PCDH15: variants seen among roughly 807,000 people sequenced by gnomAD.
PCDH15 encodes protocadherin related 15.
Under a neutral mutation model 178.5 loss-of-function variants are expected in PCDH15, and 129 were observed. The observed-to-expected ratio is 0.72, with a 90% CI of 0.63 to 0.84. The LOEUF (loss-of-function observed/expected upper bound fraction) is 0.84, where lower values mean the gene tolerates loss of function less well. Ranked by LOEUF, PCDH15 falls within the 40% of genes least tolerant of loss-of-function variation. The pLI is 0.00. For missense variants in PCDH15, 2,230 were observed against 2,099.9 expected (o/e 1.06, Z -1.21); for synonymous variants, 800 against 732.0 (o/e 1.09, Z -1.50).
chr10:54,260,327 G>A (rs1196345461), intron 8 of PCDH15, among the ~76,000 whole-genome samples: 4 of 148,808 alleles, frequency 2.7e-5, no homozygotes, highest in African/African-American at 7.4e-5. Flanking sequence ...TCTCTCTGTC[G>A]CCCCCAATTT....
intron 1 of PCDH15, among the ~76,000 whole-genome samples, chr10:55,184,722 T>C (rs190043513): frequency 6.6e-6 from 1 of 152,066 alleles, no homozygotes; most frequent in East Asian, 1.9e-4. Context: ...TTGGGAAGCA[T>C]GATATTTTAT....
intron 2 of PCDH15, among the ~76,000 whole-genome samples, chr10:55,597,421 A>G (rs189936956): frequency 1.5e-3 from 231 of 152,248 alleles, no homozygotes; most frequent in Middle Eastern, 3.4e-3. Flanking sequence ...CAGAAACAAG[A>G]TACTTAAATT....
At chr10:55,585,752 T>C (rs1472438762) in intron 2 of PCDH15, among the ~76,000 whole-genome samples, 3 of 151,940 alleles carry the variant, frequency 2.0e-5, no homozygotes, top group Non-Finnish European at 4.4e-5. Flanking sequence ...TATATATATA[T>C]GTGTGTGTGT....
At chr10:55,382,281 C>A (rs1307442331) in intron 2 of PCDH15, among the ~76,000 whole-genome samples, 1 of 152,010 alleles carries the variant, frequency 6.6e-6, no homozygotes, top group Non-Finnish European at 1.5e-5. Flanking sequence ...CTGCGAGCTG[C>A]GATCATGTTA....
At chr10:54,168,676 C>G (rs1211046157) in intron 13 of PCDH15, among the ~76,000 whole-genome samples, 3 of 152,100 alleles carry the variant, frequency 2.0e-5, no homozygotes, top group African/African-American at 7.2e-5. Context: ...TCTTTTTCAT[C>G]AAATATAAAA....
intron 26 of PCDH15, among the ~76,000 whole-genome samples, chr10:53,871,914 G>T (rs2079892972): frequency 6.6e-6 from 1 of 151,980 alleles, no homozygotes; most frequent in Non-Finnish European, 1.5e-5. Context: ...GGGAGGCTGA[G>T]GCGGGCGGAT....
chr10:55,428,006 C>T (rs1289291895), intron 2 of PCDH15, among the ~76,000 whole-genome samples: 3 of 151,992 alleles, frequency 2.0e-5, no homozygotes, highest in Non-Finnish European at 4.4e-5. Flanking sequence ...AACAGAGAGA[C>T]TACATACTTC....
intron 2 of PCDH15, among the ~76,000 whole-genome samples, chr10:55,034,100 T>G (rs1840678619): frequency 6.6e-6 from 1 of 152,126 alleles, no homozygotes; most frequent in Non-Finnish European, 1.5e-5. Context: ...ATCTTTGTTT[T>G]GCTTTTATAA....
rs557818311 is a variant in PCDH15 at position 54,323,905 on chromosome 10, G to C, written c.705+5691C>G. Among the ~76,000 whole-genome samples, 211 of 152,176 alleles carry C rather than the reference G, an allele frequency of 1.4e-3. 1 individual carries two copies. The highest frequency in any genetic ancestry group is 3.4e-3 in the Middle Eastern group (1 of 294). The stretch of plus-strand genomic sequence containing the variant: ...TTCTATTGTCTTGTAAACATTTTTT[G>C]TTTGAGATATTTGCCTAATATTTCT... On this transcript the variant is annotated intron_variant, in intron 7 of 37. Coordinates refer to ENST00000644397, the MANE Select transcript of PCDH15 (RefSeq NM_001384140.1).
intron 2 of PCDH15, among the ~76,000 whole-genome samples, chr10:55,438,472 T>C (rs749278002): frequency 1.3e-5 from 2 of 152,158 alleles, no homozygotes; most frequent in Non-Finnish European, 2.9e-5. Context: ...TAGTCTGAAG[T>C]ATAATGGCTA....
intron 18 of PCDH15, among the ~76,000 whole-genome samples, chr10:54,030,843 C>T (rs759089314): frequency 3.3e-5 from 5 of 151,932 alleles, no homozygotes; most frequent in Non-Finnish European, 7.4e-5. Context: ...AAGAAACTCT[C>T]AAGTGTCAGT....
chr10:54,525,916 T>G (rs2083316322), intron 3 of PCDH15, among the ~76,000 whole-genome samples: 1 of 152,312 alleles, frequency 6.6e-6, no homozygotes, highest in African/African-American at 2.4e-5. Context: ...TTTTAGAAAT[T>G]TAATGCAAAA....
intron 18 of PCDH15, among the ~76,000 whole-genome samples, chr10:54,055,568 A>G (rs1455271042): frequency 6.6e-6 from 1 of 152,144 alleles, no homozygotes; most frequent in African/African-American, 2.4e-5. Context: ...TAGTCCTTAA[A>G]CTTGAGAATT....
chr10:55,477,145 A>G (rs1422591886), intron 2 of PCDH15, among the ~76,000 whole-genome samples: 5 of 151,942 alleles, frequency 3.3e-5, no homozygotes, highest in African/African-American at 9.7e-5. Flanking sequence ...CTCCTCCCCA[A>G]CAGATACTAA....
rs1291540225 is a variant in PCDH15 at position 54,570,036 on chromosome 10, AGG to A, written c.92-42161_92-42160del. 6.2e-4 allele frequency among the ~76,000 whole-genome samples: 6 copies of A among 9,734 alleles called. No homozygotes were observed. In the East Asian group the frequency reaches 0.016, roughly 26 times the overall value. The allele number at this position is 9,734 out of a possible 152,430, so 6.4% of individuals were successfully genotyped here. A position where few individuals can be genotyped will look rare whatever the true frequency, so the allele number is the denominator to read the frequency against. On this transcript the variant is annotated intron_variant, in intron 2 of 37. Transcript: ENST00000644397. ...ATAGACTCTCTTTGCCAATACAATTAGGGGTGTGTGTGTGTGTGTGTCTGTGT... is the reference window on the plus strand; with the variant it reads ...ATAGACTCTCTTTGCCAATACAATTAGGTGTGTGTGTGTGTGTGTCTGTGT...
At chr10:54,814,949 T>A (rs1311481469) in intron 3 of PCDH15, among the ~76,000 whole-genome samples, 2 of 152,136 alleles carry the variant, frequency 1.3e-5, no homozygotes, top group East Asian at 3.9e-4. Context: ...TTGAATCTTA[T>A]ACTTTTCAGT....
At chr10:54,800,889 T>G (rs574179761) in intron 1 of PCDH15, 36 bp downstream of exon 1, 1 of 152,250 alleles carries the variant, frequency 6.6e-6, no homozygotes, top group East Asian at 1.9e-4. Flanking sequence ...GCCTTAAATT[T>G]GAAAAAAATA....
chr10:53,926,238 T>G (rs2084541780), intron 25 of PCDH15, among the ~76,000 whole-genome samples: 1 of 152,206 alleles, frequency 6.6e-6, no homozygotes, highest in Admixed American at 6.5e-5. Flanking sequence ...TTCTACATAC[T>G]GAGCTAACTT....
chr10:54,992,984 G>A (rs1839540627), intron 2 of PCDH15, among the ~76,000 whole-genome samples: 2 of 129,998 alleles, frequency 1.5e-5, no homozygotes, highest in African/African-American at 3.5e-5. Context: ...AGTCAGGGAA[G>A]TTGGAATAGC....
Sources: gnomAD v4.1 joint callset for allele counts (sites outside exome capture counted in the v4.1 genomes callset) on GRCh38, gnomAD v4.1.1 for gene constraint, MANE v1.5 for transcripts, NCBI Gene and HGNC (gene_info 2026-07-23, HGNC 2026-07-21) for gene names.